The following MSTO1 variants were observed in gnomAD, a reference collection of about 807,000 sequenced individuals.
MSTO1 encodes protein misato homolog 1.
A neutral mutation model predicts 55.7 loss-of-function variants in MSTO1; 24 were observed. The observed-to-expected ratio is 0.43, with a 90% CI of 0.31 to 0.61. The LOEUF (loss-of-function observed/expected upper bound fraction) is 0.61. MSTO1 is among the 20% of genes least tolerant of loss of function. The probability of loss-of-function intolerance (pLI) is 0.09; values close to 1 mark genes in which losing one functional copy is unlikely to be tolerated. For synonymous variants in MSTO1, 162 were observed against 252.8 expected, an observed-to-expected ratio of 0.64 and a Z score of 3.41; for missense variants, 363 against 625.7, an observed-to-expected ratio of 0.58 and a Z score of 4.48.
At chr1:155,609,623 A>G (rs939218938), upstream of MSTO1, among the ~76,000 whole-genome samples, 3 of 152,208 alleles carry the variant, frequency 2.0e-5, no homozygotes, top group African/African-American at 7.2e-5. Flanking sequence ...AATGAATTAT[A>G]GATATTTGCA....
At chr1:155,587,482 G>A in the MSTO1 span, among the ~76,000 whole-genome samples, 6 of 145,278 alleles carry the variant, frequency 4.1e-5, no homozygotes, top group South Asian at 2.3e-4. Context: ...GGTGGCTCAC[G>A]CCTGTAATCC....
chr1:155,614,642 C>A lies in MSTO1; in HGVS notation c.*369C>A. 1 of 1,224,706 alleles carries A rather than the reference C, an allele frequency of 8.2e-7. No individual in the cohort carries two copies. Among genetic ancestry groups the A allele is most frequent in the Non-Finnish European group, 1.2e-6 (1 of 832,382 alleles). The allele number at this position is 1,224,706 out of a possible 1,614,324, so 75.9% of individuals were successfully genotyped here. A position where few individuals can be genotyped will look rare whatever the true frequency, so the allele number is the denominator to read the frequency against. On this transcript the variant is annotated 3_prime_UTR_variant, in exon 14 of 14. Transcript: ENST00000245564. Reference sequence around the variant, plus strand: ...CTGTAAACTGGGCTCAAGGACTGTACAAGCAGAGTACAACTACCCGCCTCC... The same window carrying A: ...CTGTAAACTGGGCTCAAGGACTGTAAAAGCAGAGTACAACTACCCGCCTCC...
At chr1:155,568,713 C>T in the MSTO1 span, among the ~76,000 whole-genome samples, 3 of 152,162 alleles carry the variant, frequency 2.0e-5, no homozygotes, top group African/African-American at 7.2e-5. Flanking sequence ...GCTGGGATTA[C>T]AGGCATGATC....
upstream of MSTO1, chr1:155,610,024 C>T (rs1673476159): frequency 5.3e-6 from 3 of 567,922 alleles, no homozygotes; most frequent in Non-Finnish European, 9.3e-6. Context: ...AACGGCGTGG[C>T]CCGTGGAGCC....
At chr1:155,603,184 G>C in the MSTO1 span, among the ~76,000 whole-genome samples, 1 of 152,162 alleles carries the variant, frequency 6.6e-6, no homozygotes, top group African/African-American at 2.4e-5. Flanking sequence ...GGCCAACATG[G>C]TGAAACCCCA....
chr1:155,595,491 CTTTT>C, the MSTO1 span, among the ~76,000 whole-genome samples: 1 of 119,664 alleles, frequency 8.4e-6, no homozygotes, highest in Non-Finnish European at 1.8e-5. Flanking sequence ...ATTTCTTTTT[CTTTT>C]TTTTTTTTTT....
At chr1:155,577,296 G>T in the MSTO1 span, among the ~76,000 whole-genome samples, 1 of 151,308 alleles carries the variant, frequency 6.6e-6, no homozygotes, top group South Asian at 2.1e-4. Context: ...TACCATGTTA[G>T]CCAGGATGGT....
chr1:155,575,383 C>T, the MSTO1 span, among the ~76,000 whole-genome samples: 1 of 151,996 alleles, frequency 6.6e-6, no homozygotes, highest in Admixed American at 6.6e-5. Context: ...TTTTCATGTG[C>T]TTATTGGCCA....
the MSTO1 span, among the ~76,000 whole-genome samples, chr1:155,596,771 G>C: frequency 6.6e-6 from 1 of 151,114 alleles, no homozygotes; most frequent in Admixed American, 6.6e-5. Flanking sequence ...TGGACAGCAG[G>C]CTGTCTCAAA....
the MSTO1 span, among the ~76,000 whole-genome samples, chr1:155,574,950 T>A: frequency 6.8e-6 from 1 of 146,922 alleles, no homozygotes; most frequent in Non-Finnish European, 1.5e-5. Context: ...CACTGCAACC[T>A]CCACCTCCCG....
At chr1:155,588,919 A>G in the MSTO1 span, among the ~76,000 whole-genome samples, 7 of 152,238 alleles carry the variant, frequency 4.6e-5, no homozygotes, top group African/African-American at 1.7e-4. Flanking sequence ...ACATAAAATA[A>G]CCCATTATTA....
At chr1:155,600,327 T>C in the MSTO1 span, among the ~76,000 whole-genome samples, 17 of 152,372 alleles carry the variant, frequency 1.1e-4, no homozygotes, top group East Asian at 2.1e-3. Flanking sequence ...TTAATTCATT[T>C]AACCCTGAGT....
At chr1:155,609,237 A>C (rs1261435852), upstream of MSTO1, among the ~76,000 whole-genome samples, 1 of 49,126 alleles carries the variant, frequency 2.0e-5, no homozygotes. Context: ...ATATATATAT[A>C]TATATATTTT....
the MSTO1 span, chr1:155,591,327 A>C: frequency 8.3e-7 from 1 of 1,203,970 alleles, no homozygotes; most frequent in Non-Finnish European, 1.2e-6. Flanking sequence ...GTCGACACTT[A>C]ATATTAACCA....
the MSTO1 span, among the ~76,000 whole-genome samples, chr1:155,584,498 T>G: frequency 6.6e-6 from 1 of 151,400 alleles, no homozygotes; most frequent in African/African-American, 2.4e-5. Flanking sequence ...AAGGCTTATC[T>G]CTACCAATAA....
At chr1:155,593,078 A>G in the MSTO1 span, among the ~76,000 whole-genome samples, 1 of 151,574 alleles carries the variant, frequency 6.6e-6, no homozygotes, top group East Asian at 2.0e-4. Context: ...CACCTGGCTA[A>G]TTTTTTTGTA....
chr1:155,567,943 C>A, the MSTO1 span, among the ~76,000 whole-genome samples: 3 of 151,562 alleles, frequency 2.0e-5, no homozygotes, highest in Non-Finnish European at 4.4e-5. Context: ...GAGGCTGAGG[C>A]AGGAGCATCA....
the MSTO1 span, among the ~76,000 whole-genome samples, chr1:155,599,696 T>A: frequency 1.3e-5 from 2 of 152,080 alleles, no homozygotes; most frequent in Admixed American, 1.3e-4. Context: ...AGCCTCTGAG[T>A]TCCCTTAGTA....
At chr1:155,605,475 T>C (rs756983995), upstream of MSTO1, among the ~76,000 whole-genome samples, 2 of 152,154 alleles carry the variant, frequency 1.3e-5, no homozygotes, top group Non-Finnish European at 2.9e-5. Context: ...AATACTCCTA[T>C]ACTAATACAG....
Sources: allele counts gnomAD v4.1 joint callset (sites outside exome capture counted in the v4.1 genomes callset), GRCh38; gene constraint gnomAD v4.1.1; transcripts MANE v1.5; gene names NCBI Gene and HGNC (gene_info 2026-07-23, HGNC 2026-07-21).